Variants in CCDC180 observed in about 807,000 individuals in gnomAD.
The protein encoded by CCDC180 is coiled-coil domain-containing protein 180.
Under a neutral mutation model 209.2 loss-of-function variants are expected in CCDC180, and 154 were observed. That is an observed-to-expected ratio of 0.74 (90% CI 0.65 to 0.84). CCDC180 has a LOEUF of 0.84. Ranked by LOEUF, CCDC180 falls within the 40% of genes least tolerant of loss-of-function variation. The probability of loss-of-function intolerance (pLI) is 0.00; values close to 1 mark genes in which losing one functional copy is unlikely to be tolerated. For missense variants in CCDC180, 1,874 were observed against 1,997.3 expected, an observed-to-expected ratio of 0.94 and a Z score of 1.18; for synonymous variants, 778 against 749.1, an observed-to-expected ratio of 1.04 and a Z score of -0.63.
chr9:97,357,143 C>T (rs1049720727), intron 24 of CCDC180, among the ~76,000 whole-genome samples: 3 of 151,996 alleles, frequency 2.0e-5, no homozygotes, highest in African/African-American at 4.8e-5. Context: ...ATCCTTCGGA[C>T]GCCTCCTGGA....
intron 3 of CCDC180, among the ~76,000 whole-genome samples, chr9:97,311,442 G>A (rs1406227277): frequency 6.6e-6 from 1 of 152,220 alleles, no homozygotes; most frequent in African/African-American, 2.4e-5. Context: ...AATAGCAGCG[G>A]TTGCTGGGAG....
intron 23 of CCDC180, 69 bp from the exon 24 acceptor site, chr9:97,354,823 C>G (rs940706782): frequency 2.1e-5 from 33 of 1,561,228 alleles, no homozygotes; most frequent in Non-Finnish European, 2.6e-5. Flanking sequence ...GGGCCTGTCC[C>G]CCTCCTCCTT....
At chr9:97,376,659 G>A in intron 36 of CCDC180, 104 bp from the exon 37 acceptor site, 4 of 1,258,390 alleles carry the variant, frequency 3.2e-6, no homozygotes, top group Non-Finnish European at 4.4e-6. Context: ...GCCAGTGCCT[G>A]GAATGGGTTA....
At chr9:97,357,532 C>A in intron 24 of CCDC180, 95 bp from the exon 25 acceptor site, 2 of 787,344 alleles carry the variant, frequency 2.5e-6, no homozygotes, top group Non-Finnish European at 2.1e-6. Context: ...TTTTTCAGTG[C>A]TTAATCAGTT....
intron 18 of CCDC180, among the ~76,000 whole-genome samples, chr9:97,342,844 A>G (rs1826127838): frequency 6.6e-6 from 1 of 152,242 alleles, no homozygotes; most frequent in African/African-American, 2.4e-5. Context: ...AACTCTCATA[A>G]AATAAATCTT....
Position 97,307,714 on chromosome 9 carries a change from C to T in CCDC180, c.-174C>T, listed in dbSNP as rs375088978. On this transcript the variant is annotated 5_prime_UTR_variant, in exon 1 of 37. Transcript: ENST00000529487. ...GGCAGAGTGAAGCACAAGCAATAAT[C>T]CTGTATTATTCGCGTTCCCAGAGTC... is the stretch of plus-strand genomic sequence containing the variant. The T allele has an allele frequency of 4.3e-5, 69 of 1,607,474 alleles. No individual in the cohort carries two copies. Among genetic ancestry groups the T allele is most frequent in the Non-Finnish European group, 5.7e-5 (67 of 1,174,142 alleles).
rs189204767 is a variant in CCDC180, at chr9:97,333,246, T to G, written c.2274+2479T>G. On this transcript the variant is annotated intron_variant, in intron 18 of 36. Transcript: ENST00000529487. ...TGATCATGGTGAATTCGCTTTTTGA[T>G]GTACTGTTGGATTCAGCTTGCTAGT... Among the ~76,000 whole-genome samples, 6 of 152,336 alleles carry G rather than the reference T, an allele frequency of 3.9e-5. No individual in the cohort carries two copies. In the East Asian group the frequency reaches 7.7e-4, roughly 20 times the overall value.
intron 18 of CCDC180, among the ~76,000 whole-genome samples, chr9:97,335,260 T>C (rs995389121): frequency 2.0e-5 from 3 of 152,102 alleles, no homozygotes; most frequent in Admixed American, 6.6e-5. Flanking sequence ...ACATGTGCCA[T>C]GTTGGTTTGC....
chr9:97,325,999 GAC>G (rs1441928784), intron 14 of CCDC180, among the ~76,000 whole-genome samples: 1 of 152,182 alleles, frequency 6.6e-6, no homozygotes, highest in Non-Finnish European at 1.5e-5. Flanking sequence ...GGTCTGATAA[GAC>G]ATCACATTCT....
intron 19 of CCDC180, among the ~76,000 whole-genome samples, chr9:97,346,210 A>G (rs1826258567): frequency 6.6e-6 from 1 of 152,204 alleles, no homozygotes; most frequent in African/African-American, 2.4e-5. Context: ...TTATTACTAC[A>G]GCTTTACATT....
chr9:97,362,570 C>T (rs1587830516), intron 28 of CCDC180, 129 bp downstream of exon 28: 24 of 1,354,958 alleles, frequency 1.8e-5, no homozygotes, highest in South Asian at 4.4e-5. Context: ...TGGGACTCCA[C>T]GGGGCGCAGT....
In CCDC180 at chr9:97,366,835, C is replaced by T. The variant is rs1826937943; in HGVS notation, c.4189+135C>T. The stretch of plus-strand genomic sequence containing the variant: ...GAGCTTCCCTGTGAAAAGCTGACCT[C>T]TTAAAATTAGGTAAAAACAATAATC... On this transcript the variant is annotated intron_variant, in intron 31 of 36. Coordinates refer to ENST00000529487, the MANE Select transcript of CCDC180 (RefSeq NM_020893.6). The surrounding 1 kb of genome is among the most constrained non-coding windows in gnomAD (Gnocchi z 4.3). The T allele has an allele frequency of 2.3e-6, 2 of 883,760 alleles. No individual in the cohort carries two copies. Among genetic ancestry groups the T allele is most frequent in the South Asian group, 5.2e-5 (2 of 38,320 alleles). 54.7% of individuals were successfully genotyped at this position (883,760 alleles called of 1,614,324 possible).
At chr9:97,320,418 C>T (rs1344921802) in intron 11 of CCDC180, among the ~76,000 whole-genome samples, 1 of 152,178 alleles carries the variant, frequency 6.6e-6, no homozygotes, top group Non-Finnish European at 1.5e-5. Flanking sequence ...TAGCCGCACC[C>T]TATGACCCCT....
rs1827224422 is a variant in CCDC180 at position 97,375,440 on chromosome 9, A to G, written c.4707-14A>G. The stretch of plus-strand genomic sequence containing the variant: ...AGACAAGCCTGTGAGATTTTCACAC[A>G]TGTTTGTTTGTAGGAAGTGGCCAGG... On this transcript the variant is annotated splice_polypyrimidine_tract_variant and intron_variant, in intron 35 of 36. Transcript: ENST00000529487. The G allele has an allele frequency of 1.2e-6, 2 of 1,613,860 alleles. No homozygotes were observed. Among genetic ancestry groups the G allele is most frequent in the African/African-American group, 2.7e-5 (2 of 75,036 alleles).
At chr9:97,328,416 A>C (rs1244760090) in intron 16 of CCDC180, among the ~76,000 whole-genome samples, 2 of 152,124 alleles carry the variant, frequency 1.3e-5, no homozygotes, top group African/African-American at 4.8e-5. Context: ...TCCATTTATC[A>C]TACCTACCAC....
chr9:97,357,534 T>C (rs1826616737), intron 24 of CCDC180, 93 bp from the exon 25 acceptor site: 2 of 798,876 alleles, frequency 2.5e-6, no homozygotes, highest in Non-Finnish European at 4.2e-6. Context: ...TTTCAGTGCT[T>C]AATCAGTTTC....
rs113546532 is a variant in CCDC180, at chr9:97,325,364, A to G, written c.1545+172A>G. ...AGTAGCAGAAATCTCCTGGAACCAA[A>G]TGTGTCTCTAAGAGCATGCATGAGA... On this transcript the variant is annotated intron_variant, in intron 14 of 36. Coordinates refer to ENST00000529487, the MANE Select transcript of CCDC180 (RefSeq NM_020893.6). 1.5e-3 allele frequency among the ~76,000 whole-genome samples: 231 copies of G among 152,288 alleles called. 3 individuals are homozygous for G. Among genetic ancestry groups the G allele is most frequent in the African/African-American group, 5.2e-3 (218 of 41,560 alleles).
chr9:97,375,562 C>G lies in CCDC180; in HGVS notation c.4815C>G (p.Ala1605=), dbSNP rs376416655. 6.2e-7 allele frequency: 1 copy of G among 1,614,102 alleles called. No individual in the cohort carries two copies. Among genetic ancestry groups the G allele is most frequent in the Non-Finnish European group, 8.5e-7 (1 of 1,180,048 alleles). Residue 1605 remains alanine, a synonymous_variant, in exon 36 of 37, where the codon GCC becomes GCG. Transcript: ENST00000529487. ...TTKTTLGHLA[A]VEARDAVYLK... is the part of the protein sequence containing the mutation. ...AAACCACCCTGGGCCACCTGGCGGC[C>G]GTGGAAGCCCGAGATGCTGTGTACC...
chr9:97,318,978 G>A (rs1052199915), intron 10 of CCDC180, among the ~76,000 whole-genome samples: 1 of 152,146 alleles, frequency 6.6e-6, no homozygotes, highest in East Asian at 1.9e-4. Context: ...CTGGAGGCTG[G>A]AGGCACCTGT....
Sources: allele counts gnomAD v4.1 joint callset (sites outside exome capture counted in the v4.1 genomes callset), GRCh38; gene constraint gnomAD v4.1.1; non-coding constraint Gnocchi (gnomAD v3.1); transcripts MANE v1.5; gene names NCBI Gene and HGNC (gene_info 2026-07-23, HGNC 2026-07-21).